The following SUSD6 variants were observed in gnomAD, a reference collection of about 807,000 sequenced individuals.
The protein encoded by SUSD6 is sushi domain containing 6, also known as sushi domain-containing protein 6.
SUSD6 carries 16 observed loss-of-function variants against 28.4 expected under a neutral mutation model. The observed-to-expected ratio is 0.56, with a 90% CI of 0.38 to 0.86. The LOEUF (loss-of-function observed/expected upper bound fraction) is 0.86, where lower values mean the gene tolerates loss of function less well. Among genes scored for constraint, SUSD6 ranks in the 40% least tolerant of loss-of-function variants. The pLI is 0.00. For synonymous variants in SUSD6, 147 were observed against 159.6 expected (o/e 0.92, Z 0.59); for missense variants, 341 against 384.2 (o/e 0.89, Z 0.94).
intron 1 of SUSD6, among the ~76,000 whole-genome samples, chr14:69,618,588 A>G (rs1249907657): frequency 6.6e-6 from 1 of 152,270 alleles, no homozygotes; most frequent in African/African-American, 2.4e-5. Context: ...TTTGTCCAGC[A>G]AGACAGACAA....
intron 2 of SUSD6, among the ~76,000 whole-genome samples, chr14:69,661,397 A>G (rs534034249): frequency 3.7e-4 from 57 of 152,154 alleles, no homozygotes; most frequent in African/African-American, 1.3e-3. Flanking sequence ...CTGTGGAAAA[A>G]TGTGTCTGTT....
chr14:69,631,599 C>T (rs139136784), intron 1 of SUSD6, among the ~76,000 whole-genome samples: 48 of 152,228 alleles, frequency 3.2e-4, no homozygotes, highest in East Asian at 3.1e-3. Flanking sequence ...TACATCTGTG[C>T]GCAGTGACTA....
chr14:69,628,036 C>T (rs920755670), intron 1 of SUSD6, among the ~76,000 whole-genome samples: 2 of 151,774 alleles, frequency 1.3e-5, no homozygotes, highest in East Asian at 1.9e-4. Flanking sequence ...TGGGTTCAAG[C>T]GATTCTTCTG....
chr14:69,633,782 G>C (rs1336994072), intron 1 of SUSD6, among the ~76,000 whole-genome samples: 2 of 152,124 alleles, frequency 1.3e-5, no homozygotes, highest in African/African-American at 2.4e-5. Flanking sequence ...TGAAATTCTT[G>C]GTAGGCTGGG....
chr14:69,638,423 A>AGTGTGT (rs10637124), intron 1 of SUSD6, among the ~76,000 whole-genome samples: 27,733 of 139,074 alleles, frequency 0.2, 3,317 homozygotes, highest in East Asian at 0.44. Context: ...TGGGGTGGGG[A>AGTGTGT]GTGTGTGTGT....
chr14:69,611,664 TCCTC>T lies in SUSD6; in HGVS notation c.-234_-231del, dbSNP rs1303539956. ...CTCCGAAGCCGGCGACCGCCCCACC[TCCTC>T]CCTCCCTCCCGCCCGCTTCCTCTGC... On this transcript the variant is annotated 5_prime_UTR_variant, in exon 1 of 6. Transcript: ENST00000342745. 2 of 149,610 alleles carry T rather than the reference TCCTC, an allele frequency of 1.3e-5. No homozygotes were observed. The highest frequency in any genetic ancestry group is 2.0e-4 in the East Asian group (1 of 5,030). 9.3% of individuals were successfully genotyped at this position (149,610 alleles called of 1,614,324 possible). A position where few individuals can be genotyped will look rare whatever the true frequency, so the allele number is the denominator to read the frequency against.
At chr14:69,703,670 T>G (rs1886344580) in intron 3 of SUSD6, 78 bp downstream of exon 3, 1 of 1,339,456 alleles carries the variant, frequency 7.5e-7, no homozygotes, top group Non-Finnish European at 1.1e-6. Flanking sequence ...GCATGCTTCC[T>G]CCAGAGCACT....
intron 1 of SUSD6, among the ~76,000 whole-genome samples, chr14:69,628,246 G>T (rs1885143879): frequency 6.6e-6 from 1 of 152,110 alleles, no homozygotes; most frequent in South Asian, 2.1e-4. Context: ...AAGTGACTCT[G>T]AACTCTGTTT....
intron 1 of SUSD6, among the ~76,000 whole-genome samples, chr14:69,652,524 C>T (rs1471662982): frequency 2.6e-5 from 4 of 152,156 alleles, no homozygotes; most frequent in Non-Finnish European, 5.9e-5. Flanking sequence ...ACCCACGCAG[C>T]ACCTGGGAGC....
At chr14:69,652,345 G>T (rs1025378948) in intron 1 of SUSD6, among the ~76,000 whole-genome samples, 1 of 152,096 alleles carries the variant, frequency 6.6e-6, no homozygotes, top group Non-Finnish European at 1.5e-5. Flanking sequence ...TACTCAGGAG[G>T]CTGAGGCACG....
chr14:69,692,063 A>G (rs1886162238), intron 2 of SUSD6, among the ~76,000 whole-genome samples: 1 of 150,772 alleles, frequency 6.6e-6, no homozygotes. Context: ...AAAAGAAGTC[A>G]TGTGTTCTCA....
intron 1 of SUSD6, among the ~76,000 whole-genome samples, chr14:69,625,817 T>A (rs1382690388): frequency 6.6e-6 from 1 of 152,214 alleles, no homozygotes; most frequent in East Asian, 1.9e-4. Flanking sequence ...AAAATTCAGG[T>A]CTGGCCTTCT....
intron 2 of SUSD6, among the ~76,000 whole-genome samples, chr14:69,671,933 C>CT (rs1885838954): frequency 6.6e-6 from 1 of 152,102 alleles, no homozygotes; most frequent in Admixed American, 6.5e-5. Flanking sequence ...AGACCCTGGC[C>CT]TTGGAGGAAT....
At chr14:69,640,128 C>G (rs777260431) in intron 1 of SUSD6, among the ~76,000 whole-genome samples, 12 of 151,644 alleles carry the variant, frequency 7.9e-5, no homozygotes, top group Non-Finnish European at 1.6e-4. Flanking sequence ...AAGCTCCCAC[C>G]TTAATGCCTC....
rs61409476 is a variant in SUSD6, at chr14:69,646,700, CTTTTTTTTTTT to C, written c.-80-11804_-80-11794del. 1.5e-4 allele frequency among the ~76,000 whole-genome samples: 16 copies of C among 109,208 alleles called. No individual in the cohort carries two copies. In the East Asian group the frequency reaches 4.3e-3, roughly 30 times the overall value. The allele number at this position is 109,208 out of a possible 152,430, so 71.6% of individuals were successfully genotyped here. On this transcript the variant is annotated intron_variant, in intron 1 of 5. Coordinates refer to ENST00000342745, the MANE Select transcript of SUSD6 (RefSeq NM_014734.4). Reference sequence around the variant, plus strand: ...AAAACTTAGGCTTTTTTTTTTCCATCTTTTTTTTTTTTTTTTTTTGAGACAGGGTATCACTC... The same window carrying C: ...AAAACTTAGGCTTTTTTTTTTCCATCTTTTTTTTGAGACAGGGTATCACTC...
intron 4 of SUSD6, 145 bp from the exon 5 acceptor site, chr14:69,708,532 A>G (rs1339511049): frequency 6.6e-6 from 4 of 607,496 alleles, no homozygotes; most frequent in African/African-American, 1.9e-5. Context: ...AGAATCCAGC[A>G]TGATAAGGTG....
At chr14:69,639,469 AG>A (rs1885317585) in intron 1 of SUSD6, among the ~76,000 whole-genome samples, 1 of 152,292 alleles carries the variant, frequency 6.6e-6, no homozygotes, top group African/African-American at 2.4e-5. Context: ...AATCACAGCC[AG>A]GGGCAGAGCT....
Position 69,709,535 on chromosome 14 carries a change from A to T in SUSD6, c.886+431A>T, listed in dbSNP as rs150777910. On this transcript the variant is annotated intron_variant, in intron 5 of 5. Transcript: ENST00000342745. ...CTTTCTAAACAGGAGTGTTCCGGGT[A>T]CTATGCTAGTTTGTTTTCTTGCACT... is the stretch of plus-strand genomic sequence containing the variant. 1.9e-4 allele frequency among the ~76,000 whole-genome samples: 29 copies of T among 152,350 alleles called. No individual in the cohort carries two copies. In the East Asian group the frequency reaches 4.0e-3, roughly 21 times the overall value.
chr14:69,664,604 C>T (rs1368289460), intron 2 of SUSD6, among the ~76,000 whole-genome samples: 1 of 152,090 alleles, frequency 6.6e-6, no homozygotes, highest in African/African-American at 2.4e-5. Flanking sequence ...TGAGAAATTA[C>T]CCTCTGCACA....
Sources: gnomAD v4.1 joint callset for allele counts (sites outside exome capture counted in the v4.1 genomes callset) on GRCh38, gnomAD v4.1.1 for gene constraint, MANE v1.5 for transcripts, NCBI Gene and HGNC (gene_info 2026-07-23, HGNC 2026-07-21) for gene names.